The following MOGAT1 variants were observed in gnomAD, a reference collection of about 807,000 sequenced individuals.
MOGAT1 encodes the protein 2-acylglycerol O-acyltransferase 1.
A neutral mutation model predicts 31.4 loss-of-function variants in MOGAT1; 32 were observed. The observed-to-expected ratio is 1.02, with a 90% confidence interval of 0.77 to 1.37. The LOEUF (loss-of-function observed/expected upper bound fraction) is 1.37, where lower values mean the gene tolerates loss of function less well. Ranked by LOEUF, MOGAT1 falls within the 40% of genes most tolerant of loss-of-function variation. The probability of loss-of-function intolerance (pLI) is 0.00; values close to 1 mark genes in which losing one functional copy is unlikely to be tolerated. For synonymous variants in MOGAT1, 145 were observed against 144.5 expected, an observed-to-expected ratio of 1.00 and a Z score of -0.03; for missense variants, 426 against 402.0, an observed-to-expected ratio of 1.06 and a Z score of -0.51.
intron 2 of MOGAT1, among the ~76,000 whole-genome samples, chr2:222,689,031 G>A (rs1435173556): frequency 6.6e-6 from 1 of 152,148 alleles, no homozygotes; most frequent in African/African-American, 2.4e-5. Flanking sequence ...CTGCAATTTG[G>A]TTCCAATTAC....
intron 1 of MOGAT1, among the ~76,000 whole-genome samples, chr2:222,687,195 G>T (rs1240354358): frequency 6.7e-6 from 1 of 148,996 alleles, no homozygotes; most frequent in South Asian, 2.1e-4. Context: ...GGTAAAACAT[G>T]TATGTCAGTA....
Position 222,695,146 on chromosome 2 carries a change from C to T in MOGAT1, c.711C>T (p.Asp237=). The T allele has an allele frequency of 6.2e-7, 1 of 1,613,104 alleles. No homozygotes were observed. Among genetic ancestry groups the T allele is most frequent in the Non-Finnish European group, 8.5e-7 (1 of 1,179,552 alleles). The change falls in exon 5 of 6, where the codon GAC becomes GAT. Residue 237 remains aspartate, a synonymous_variant. Coordinates refer to ENST00000446656, the MANE Select transcript of MOGAT1 (RefSeq NM_058165.3). ...FGENELFKQT[D]NPEGSWIRTV... is the part of the protein sequence containing the mutation. ...AAAATGAACTGTTTAAACAAACTGA[C>T]AACCCTGAAGGATCATGGATTAGAA...
chr2:222,679,296 T>C (rs183599485), intron 1 of MOGAT1, among the ~76,000 whole-genome samples: 5 of 152,354 alleles, frequency 3.3e-5, no homozygotes. Flanking sequence ...TATAGCTTTA[T>C]AATAATTCTT....
chr2:222,709,840 C>T lies in MOGAT1; in HGVS notation c.958C>T (p.His320Tyr). Residue 320 changes from histidine (H) to tyrosine (Y), a missense_variant, in exon 6 of 6, where the codon CAC becomes TAC. His to Tyr is a moderately conservative substitution (Grantham distance 83). Coordinates refer to ENST00000446656, the MANE Select transcript of MOGAT1 (RefSeq NM_058165.3). Reference sequence around the variant, plus strand: ...GGAACTTAGGAAATTGTTTGAGGAACACAAAGGAAAGTATGGCATTCCAGA... The same window carrying T: ...GGAACTTAGGAAATTGTTTGAGGAATACAAAGGAAAGTATGGCATTCCAGA... ...MEELRKLFEEHKGKYGIPEHE... is the reference protein window; with the variant it reads ...MEELRKLFEEYKGKYGIPEHE... 6.2e-7 allele frequency: 1 copy of T among 1,613,214 alleles called. No individual in the cohort carries two copies. Among genetic ancestry groups the T allele is most frequent in the Non-Finnish European group, 8.5e-7 (1 of 1,179,570 alleles).
At chr2:222,691,286 C>T (rs1692757630) in intron 3 of MOGAT1, among the ~76,000 whole-genome samples, 1 of 151,826 alleles carries the variant, frequency 6.6e-6, no homozygotes, top group African/African-American at 2.4e-5. Context: ...TGGCTCATTG[C>T]GACCTCTGCC....
rs769959651 is a variant in MOGAT1 at position 222,671,891 on chromosome 2, G to GC, written c.94+18dup. On this transcript the variant is annotated intron_variant, in intron 1 of 5. Coordinates refer to ENST00000446656, the MANE Select transcript of MOGAT1 (RefSeq NM_058165.3). Reference sequence around the variant, plus strand: ...ATACCTGCTGCTCGGTAAGGACCCCGCCCCCCGGGCCGCGGGGCTTGGGCT... The same window carrying GC: ...ATACCTGCTGCTCGGTAAGGACCCCGCCCCCCCGGGCCGCGGGGCTTGGGCT... The GC allele has an allele frequency of 3.2e-5, 50 of 1,546,200 alleles. No homozygotes were observed. Among genetic ancestry groups the GC allele is most frequent in the Admixed American group, 2.7e-4 (14 of 50,968 alleles).
At chr2:222,691,998 T>A (rs1289370750) in intron 3 of MOGAT1, among the ~76,000 whole-genome samples, 3 of 152,214 alleles carry the variant, frequency 2.0e-5, no homozygotes, top group Non-Finnish European at 4.4e-5. Context: ...CAGAATCAGA[T>A]CACAACAGCC....
intron 5 of MOGAT1, among the ~76,000 whole-genome samples, chr2:222,703,074 G>A (rs1226043629): frequency 6.6e-6 from 1 of 152,166 alleles, no homozygotes; most frequent in Non-Finnish European, 1.5e-5. Flanking sequence ...AGAAAAGCAT[G>A]CAGATTTTTG....
intron 4 of MOGAT1, 38 bp downstream of exon 4, chr2:222,694,574 G>C: frequency 6.3e-7 from 1 of 1,591,402 alleles, no homozygotes; most frequent in Non-Finnish European, 8.6e-7. Context: ...GGTCAGAAAA[G>C]TTAAGACATT....
chr2:222,676,466 C>T (rs1692499547), intron 1 of MOGAT1, among the ~76,000 whole-genome samples: 1 of 152,184 alleles, frequency 6.6e-6, no homozygotes, highest in Admixed American at 6.5e-5. Flanking sequence ...GCAGCATCCT[C>T]TTGCATGGAT....
chr2:222,680,811 T>C (rs1484319776), intron 1 of MOGAT1, among the ~76,000 whole-genome samples: 2 of 152,156 alleles, frequency 1.3e-5, no homozygotes, highest in Non-Finnish European at 2.9e-5. Flanking sequence ...GAAGAAACAA[T>C]ACATATACAA....
chr2:222,675,106 T>C (rs1366566842), intron 1 of MOGAT1, among the ~76,000 whole-genome samples: 2 of 152,266 alleles, frequency 1.3e-5, no homozygotes, highest in African/African-American at 4.8e-5. Flanking sequence ...GATGAAACCA[T>C]TTGACATGGG....
At position 222,671,889 on chromosome 2, in the gene MOGAT1, C is replaced by T. The variant is rs1177241684; in HGVS notation, c.94+10C>T. 3.2e-6 allele frequency: 5 copies of T among 1,548,990 alleles called. No individual in the cohort carries two copies. The East Asian group carries it at 9.8e-5, about 30-fold the overall frequency. ...AAATACCTGCTGCTCGGTAAGGACCCCGCCCCCCGGGCCGCGGGGCTTGGG... is the reference window on the plus strand; with the variant it reads ...AAATACCTGCTGCTCGGTAAGGACCTCGCCCCCCGGGCCGCGGGGCTTGGG... On this transcript the variant is annotated intron_variant, in intron 1 of 5. Coordinates refer to ENST00000446656, the MANE Select transcript of MOGAT1 (RefSeq NM_058165.3).
chr2:222,683,851 GAT>G (rs1488317266), intron 1 of MOGAT1, among the ~76,000 whole-genome samples: 1 of 152,180 alleles, frequency 6.6e-6, no homozygotes, highest in Non-Finnish European at 1.5e-5. Context: ...CCAGAATAGA[GAT>G]AAATCAACCC....
At chr2:222,701,380 AAG>A (rs1692919140) in intron 5 of MOGAT1, among the ~76,000 whole-genome samples, 1 of 147,716 alleles carries the variant, frequency 6.8e-6, no homozygotes, top group Non-Finnish European at 1.5e-5. Flanking sequence ...GAAGGAAGGA[AAG>A]AGAAAGAAAG....
chr2:222,701,299 G>GAGAGA (rs71053101), intron 5 of MOGAT1, among the ~76,000 whole-genome samples: 1,844 of 90,470 alleles, frequency 0.02, 44 homozygotes, highest in African/African-American at 0.04. Context: ...AGGAGGAGGA[G>GAGAGA]GAGAGAGAGA....
chr2:222,708,353 G>A (rs1348567470), intron 5 of MOGAT1, among the ~76,000 whole-genome samples: 2 of 152,126 alleles, frequency 1.3e-5, no homozygotes, highest in Non-Finnish European at 2.9e-5. Flanking sequence ...CAAAGTGTTG[G>A]GATTACAGGC....
intron 5 of MOGAT1, among the ~76,000 whole-genome samples, chr2:222,702,743 G>A (rs1188023264): frequency 6.6e-6 from 1 of 151,470 alleles, no homozygotes; most frequent in Non-Finnish European, 1.5e-5. Context: ...TGGGAAAAAA[G>A]CAGACTGAAT....
chr2:222,687,968 G>C (rs1692701090), intron 1 of MOGAT1, among the ~76,000 whole-genome samples: 1 of 152,110 alleles, frequency 6.6e-6, no homozygotes, highest in African/African-American at 2.4e-5. Flanking sequence ...TGTGTGGCTT[G>C]GGCAACTCAC....
Sources: allele counts gnomAD v4.1 joint callset (sites outside exome capture counted in the v4.1 genomes callset), GRCh38; gene constraint gnomAD v4.1.1; transcripts MANE v1.5; gene names NCBI Gene and HGNC (gene_info 2026-07-23, HGNC 2026-07-21).